The following SMIM22 variants were observed in gnomAD, a reference collection of about 807,000 sequenced individuals.
The protein encoded by SMIM22 is cancer associated small integral membrane open reading frame 1.
Under a neutral mutation model 8.4 loss-of-function variants are expected in SMIM22, and 16 were observed. The observed-to-expected ratio is 1.90, with a 90% CI of 1.29 to 2.89. The LOEUF (loss-of-function observed/expected upper bound fraction) is 2.89, where lower values mean the gene tolerates loss of function less well. Ranked by LOEUF, SMIM22 falls within the 30% of genes most tolerant of loss-of-function variation. The pLI is 0.00. For synonymous variants in SMIM22, 67 were observed against 47.6 expected (o/e 1.41, Z -1.68); for missense variants, 159 against 107.5 (o/e 1.48, Z -2.12).
Position 4,796,265 on chromosome 16 carries a change from C to A in SMIM22, c.*34C>A. ...CTCCTGCCCGGTGGCAGTAACAAAG[C>A]CTTCTGTCTGCCCAGAGCCTGAGTC... On this transcript the variant is annotated 3_prime_UTR_variant, in exon 4 of 4. Transcript: ENST00000586005. 1 of 1,534,230 alleles carries A rather than the reference C, an allele frequency of 6.5e-7. No individual in the cohort carries two copies. The highest frequency in any genetic ancestry group is 8.7e-7 in the Non-Finnish European group (1 of 1,145,956).
upstream of SMIM22, among the ~76,000 whole-genome samples, chr16:4,794,482 G>T (rs976138819): frequency 1.3e-5 from 2 of 150,258 alleles, no homozygotes; most frequent in African/African-American, 4.9e-5. Context: ...GTGCAATGGC[G>T]TGATCTCGGC....
In SMIM22 at chr16:4,795,723, G is replaced by T. The variant is rs1449191527; in HGVS notation, c.-12G>T. Reference sequence around the variant, plus strand: ...CTGGGGGACCGGGGCAGGTGGCACGGTGCACGCCAAGATGGCTGTGTCCAC... The same window carrying T: ...CTGGGGGACCGGGGCAGGTGGCACGTTGCACGCCAAGATGGCTGTGTCCAC... On this transcript the variant is annotated 5_prime_UTR_variant, in exon 2 of 4. Coordinates refer to ENST00000586005, the MANE Select transcript of SMIM22 (RefSeq NM_001253794.2). The T allele has an allele frequency of 1.6e-5, 24 of 1,535,194 alleles. No individual in the cohort carries two copies. Among genetic ancestry groups the T allele is most frequent in the Non-Finnish European group, 2.1e-5 (24 of 1,146,670 alleles).
chr16:4,791,476 G>C (rs1218223099), upstream of SMIM22, among the ~76,000 whole-genome samples: 1 of 152,164 alleles, frequency 6.6e-6, no homozygotes, highest in East Asian at 1.9e-4. Context: ...ACGACACTGG[G>C]AGGAGGTGGA....
Position 4,795,697 on chromosome 16 carries a change from T to G in SMIM22, c.-20-18T>G, listed in dbSNP as rs1458179430. On this transcript the variant is annotated intron_variant, in intron 1 of 3. Coordinates refer to ENST00000586005, the MANE Select transcript of SMIM22 (RefSeq NM_001253794.2). ...CTGAGCCCAGGATCCTGATGCAGCC[T>G]CTGGGGGACCGGGGCAGGTGGCACG... 7.2e-6 allele frequency: 11 copies of G among 1,532,214 alleles called. No homozygotes were observed. In the African/African-American group the frequency reaches 8.2e-5, roughly 11 times the overall value. The allele number at this position is 1,532,214 out of a possible 1,614,324, so 94.9% of individuals were successfully genotyped here.
upstream of SMIM22, among the ~76,000 whole-genome samples, chr16:4,791,060 G>C (rs1286181943): frequency 6.6e-6 from 1 of 152,234 alleles, no homozygotes; most frequent in Non-Finnish European, 1.5e-5. Context: ...TTGAGCAGTA[G>C]ACGTACCTCT....
At chr16:4,791,753 T>G (rs2082554312), upstream of SMIM22, among the ~76,000 whole-genome samples, 1 of 152,128 alleles carries the variant, frequency 6.6e-6, no homozygotes, top group African/African-American at 2.4e-5. Flanking sequence ...AGTGGCGAGA[T>G]CTTGGCTCCC....
chr16:4,790,337 T>C (rs909260909), intron 2 of SMIM22, among the ~76,000 whole-genome samples: 2 of 152,212 alleles, frequency 1.3e-5, no homozygotes, highest in African/African-American at 4.8e-5. Flanking sequence ...GGCGTGGCTG[T>C]GTCTAAGTAA....
At chr16:4,791,117 T>C (rs2082544411), upstream of SMIM22, among the ~76,000 whole-genome samples, 1 of 152,160 alleles carries the variant, frequency 6.6e-6, no homozygotes, top group Non-Finnish European at 1.5e-5. Context: ...GAAAACACTT[T>C]CTCCAGGAAA....
At chr16:4,794,952 G>C (rs1004942349), upstream of SMIM22, 1 of 152,310 alleles carries the variant, frequency 6.6e-6, no homozygotes, top group Non-Finnish European at 1.5e-5. Flanking sequence ...TTTATATCAG[G>C]GAGTTTATAG....
chr16:4,794,108 G>T (rs1208571120), upstream of SMIM22, among the ~76,000 whole-genome samples: 1 of 146,332 alleles, frequency 6.8e-6, no homozygotes, highest in Non-Finnish European at 1.5e-5. Context: ...GGTAATTTTT[G>T]TATTATTATT....
intron 1 of SMIM22, 68 bp downstream of exon 1, chr16:4,795,517 A>T: frequency 3.3e-6 from 2 of 613,356 alleles, no homozygotes; most frequent in East Asian, 3.1e-5. Flanking sequence ...GCTGGGGAGA[A>T]GGTTGTCAGG....
chr16:4,790,257 C>T (rs1008832862), intron 2 of SMIM22, among the ~76,000 whole-genome samples: 4 of 152,176 alleles, frequency 2.6e-5, no homozygotes, highest in Non-Finnish European at 4.4e-5. Flanking sequence ...GTCCTAAGTT[C>T]TCTGTTGCAA....
At chr16:4,795,912 G>A (rs906844347) in intron 2 of SMIM22, 36 bp from the exon 3 acceptor site, 4 of 1,528,832 alleles carry the variant, frequency 2.6e-6, no homozygotes, top group Non-Finnish European at 3.5e-6. Flanking sequence ...TGGGCTCCAG[G>A]TTGGGGCCAC....
chr16:4,796,490 G>A lies in SMIM22; in HGVS notation c.*259G>A, dbSNP rs1042647181. 3.1e-5 allele frequency: 15 copies of A among 482,664 alleles called. No homozygotes were observed. The highest frequency in any genetic ancestry group is 1.5e-4 in the Admixed American group (4 of 27,332). 29.9% of individuals were successfully genotyped at this position (482,664 alleles called of 1,614,324 possible). A position where few individuals can be genotyped will look rare whatever the true frequency, so the allele number is the denominator to read the frequency against. ...CCCAGCACTTTGGGAGGCCGAGGTGGGCGGATCACGAGGTCAGGAGATCGA... is the reference window on the plus strand; with the variant it reads ...CCCAGCACTTTGGGAGGCCGAGGTGAGCGGATCACGAGGTCAGGAGATCGA... On this transcript the variant is annotated 3_prime_UTR_variant, in exon 4 of 4. Coordinates refer to ENST00000586005, the MANE Select transcript of SMIM22 (RefSeq NM_001253794.2).
At chr16:4,792,215 G>T (rs1342951762), upstream of SMIM22, among the ~76,000 whole-genome samples, 3 of 150,442 alleles carry the variant, frequency 2.0e-5, no homozygotes, top group Non-Finnish European at 4.4e-5. Context: ...TTTTGAGACA[G>T]AGTCTCGCTC....
chr16:4,796,121 G>A (rs1379399929), intron 3 of SMIM22, 69 bp from the exon 4 acceptor site: 8 of 1,535,718 alleles, frequency 5.2e-6, no homozygotes, highest in South Asian at 2.4e-5. Context: ...GGGGAGTGGC[G>A]GGAAGGGTGC....
At chr16:4,793,157 G>A (rs528451043), upstream of SMIM22, among the ~76,000 whole-genome samples, 201 of 151,232 alleles carry the variant, frequency 1.3e-3, 1 homozygote, top group Admixed American at 2.6e-3. Flanking sequence ...AGAGTCAGAG[G>A]AGGAGACGTG....
upstream of SMIM22, among the ~76,000 whole-genome samples, chr16:4,792,208 T>A (rs2082561151): frequency 6.6e-6 from 1 of 151,592 alleles, no homozygotes; most frequent in African/African-American, 2.4e-5. Context: ...TCTTTTTTTT[T>A]GAGACAGAGT....
chr16:4,791,595 G>T (rs936883559), upstream of SMIM22, among the ~76,000 whole-genome samples: 7 of 152,210 alleles, frequency 4.6e-5, no homozygotes, highest in East Asian at 1.4e-3. Context: ...ATCGAACCTG[G>T]GTCCAGAAGT....
Sources: allele counts gnomAD v4.1 joint callset (sites outside exome capture counted in the v4.1 genomes callset), GRCh38; gene constraint gnomAD v4.1.1; transcripts MANE v1.5; gene names NCBI Gene and HGNC (gene_info 2026-07-23, HGNC 2026-07-21).